TRAPPC9: variants seen among roughly 807,000 people sequenced by gnomAD.
TRAPPC9 encodes IKK2 binding protein.
A neutral mutation model predicts 124.0 loss-of-function variants in TRAPPC9; 83 were observed. The observed-to-expected ratio is 0.67, with a 90% CI of 0.56 to 0.80. TRAPPC9 has a LOEUF of 0.80. TRAPPC9 is among the 30% of genes least tolerant of loss of function. The pLI is 0.00. For missense variants in TRAPPC9, 1,302 were observed against 1,508.3 expected (o/e 0.86, Z 2.27); for synonymous variants, 638 against 617.5 (o/e 1.03, Z -0.49).
intron 11 of TRAPPC9, among the ~76,000 whole-genome samples, chr8:140,296,025 C>A (rs768564871): frequency 2.0e-5 from 3 of 152,118 alleles, no homozygotes; most frequent in Non-Finnish European, 4.4e-5. Context: ...AGAAAAAAGG[C>A]CCTGGGCATC....
At chr8:140,399,634 C>G (rs1163175877) in intron 6 of TRAPPC9, among the ~76,000 whole-genome samples, 9 of 152,170 alleles carry the variant, frequency 5.9e-5, no homozygotes, top group Non-Finnish European at 1.2e-4. Flanking sequence ...GTGTATACCC[C>G]CATTGTATCT....
At chr8:140,359,046 C>A (rs1320550588) in intron 9 of TRAPPC9, among the ~76,000 whole-genome samples, 1 of 152,190 alleles carries the variant, frequency 6.6e-6, no homozygotes, top group African/African-American at 2.4e-5. Context: ...CTGCATTCAA[C>A]TGCTGGTCAG....
intron 18 of TRAPPC9, among the ~76,000 whole-genome samples, chr8:140,003,979 T>C (rs372964437): frequency 3.3e-5 from 5 of 152,258 alleles, no homozygotes; most frequent in Non-Finnish European, 5.9e-5. Flanking sequence ...ATCCACAGGC[T>C]GTGACATACC....
chr8:140,062,690 T>G (rs1428932272), intron 17 of TRAPPC9, among the ~76,000 whole-genome samples: 1 of 152,198 alleles, frequency 6.6e-6, no homozygotes, highest in East Asian at 1.9e-4. Flanking sequence ...TACTAGAAGA[T>G]GAGCTCCTAT....
At chr8:139,954,795 C>T (rs1250254292) in intron 19 of TRAPPC9, among the ~76,000 whole-genome samples, 1 of 152,132 alleles carries the variant, frequency 6.6e-6, no homozygotes, top group African/African-American at 2.4e-5. Context: ...GAAGATTTGC[C>T]CTGGTTTGAA....
chr8:140,005,906 T>C (rs1226054842), intron 18 of TRAPPC9, among the ~76,000 whole-genome samples: 1 of 141,990 alleles, frequency 7.0e-6, no homozygotes, highest in East Asian at 2.0e-4. Flanking sequence ...TAAGACCCTG[T>C]CTAAAAAAAA....
chr8:140,296,850 T>C (rs2065817689), intron 11 of TRAPPC9, among the ~76,000 whole-genome samples: 1 of 152,188 alleles, frequency 6.6e-6, no homozygotes, highest in Non-Finnish European at 1.5e-5. Flanking sequence ...AAAAGTTCCG[T>C]AGGGGAGACA....
At position 140,021,569 on chromosome 8, in the gene TRAPPC9, C is replaced by T. The variant is rs552728835; in HGVS notation, c.2699+2368G>A. On this transcript the variant is annotated intron_variant, in intron 18 of 22. Transcript: ENST00000438773. ...GTTCATCACTCCTTTATATAGCTTC[C>T]GGTTTCCATTTGCTTTTATTTCTGA... Among the ~76,000 whole-genome samples the T allele has an allele frequency of 2.6e-3, 401 of 152,136 alleles. 1 individual carries two copies. Among genetic ancestry groups the T allele is most frequent in the Non-Finnish European group, 4.4e-3 (301 of 68,010 alleles).
chr8:140,200,193 T>G (rs1223547315), intron 17 of TRAPPC9, among the ~76,000 whole-genome samples: 1 of 152,178 alleles, frequency 6.6e-6, no homozygotes, highest in Admixed American at 6.5e-5. Flanking sequence ...CACTCATGTT[T>G]AACCAGATGG....
At chr8:140,282,494 C>T (rs2065352763) in intron 14 of TRAPPC9, among the ~76,000 whole-genome samples, 1 of 140,854 alleles carries the variant, frequency 7.1e-6, no homozygotes, top group East Asian at 2.0e-4. Flanking sequence ...CAGAGCCAGA[C>T]TCCACCTCAA....
chr8:140,455,839 A>G (rs1173141761), intron 1 of TRAPPC9, among the ~76,000 whole-genome samples: 1 of 152,234 alleles, frequency 6.6e-6, no homozygotes, highest in Non-Finnish European at 1.5e-5. Flanking sequence ...TCAGCCACAG[A>G]AAGGAACAAA....
Position 140,010,548 on chromosome 8 carries a change from G to C in TRAPPC9, c.2699+13389C>G, listed in dbSNP as rs540197887. Among the ~76,000 whole-genome samples the C allele has an allele frequency of 1.0e-3, 153 of 152,176 alleles. 1 individual carries two copies. The highest frequency in any genetic ancestry group is 3.5e-3 in the African/African-American group (144 of 41,540). On this transcript the variant is annotated intron_variant, in intron 18 of 22. Coordinates refer to ENST00000438773, the MANE Select transcript of TRAPPC9 (RefSeq NM_001160372.4). The stretch of plus-strand genomic sequence containing the variant: ...GAAGAGGCCAAGATTACATATAAGA[G>C]AATACACAGAAGAAATGCAAATGTT...
chr8:140,427,078 A>AC (rs2070450974), intron 4 of TRAPPC9, among the ~76,000 whole-genome samples: 1 of 144,776 alleles, frequency 6.9e-6, no homozygotes, highest in Admixed American at 7.2e-5. Flanking sequence ...GGCGTGCGCC[A>AC]CCACGACCGG....
chr8:140,193,354 C>T (rs375105171), intron 17 of TRAPPC9, among the ~76,000 whole-genome samples: 40 of 152,204 alleles, frequency 2.6e-4, no homozygotes, highest in African/African-American at 7.9e-4. Flanking sequence ...ATCATGAACA[C>T]GAATTTCACC....
intron 17 of TRAPPC9, among the ~76,000 whole-genome samples, chr8:140,029,079 G>A (rs913096507): frequency 3.9e-5 from 6 of 152,178 alleles, no homozygotes; most frequent in Non-Finnish European, 8.8e-5. Context: ...GACAATCAGG[G>A]AAGAGTATCA....
chr8:139,804,748 A>T (rs1354534637), intron 21 of TRAPPC9, among the ~76,000 whole-genome samples: 1 of 129,960 alleles, frequency 7.7e-6, no homozygotes, highest in Non-Finnish European at 1.7e-5. Flanking sequence ...ACCACCACCA[A>T]GCACCGCCAC....
chr8:140,083,277 G>A (rs1041634509), intron 17 of TRAPPC9, among the ~76,000 whole-genome samples: 10 of 152,246 alleles, frequency 6.6e-5, no homozygotes, highest in South Asian at 4.1e-4. Flanking sequence ...ACCTTTCCAC[G>A]GAGATATCAA....
intron 4 of TRAPPC9, among the ~76,000 whole-genome samples, chr8:140,431,960 T>C (rs1207322475): frequency 1.3e-5 from 2 of 152,196 alleles, no homozygotes; most frequent in African/African-American, 4.8e-5. Flanking sequence ...ACTGTCCACA[T>C]TGCACATCTG....
At chr8:140,211,789 G>A (rs1395949180) in intron 17 of TRAPPC9, among the ~76,000 whole-genome samples, 1 of 152,162 alleles carries the variant, frequency 6.6e-6, no homozygotes, top group Non-Finnish European at 1.5e-5. Flanking sequence ...GGGCTGTCTG[G>A]CCTCACTGTC....
Sources: allele counts gnomAD v4.1 joint callset (sites outside exome capture counted in the v4.1 genomes callset), GRCh38; gene constraint gnomAD v4.1.1; transcripts MANE v1.5; gene names NCBI Gene and HGNC (gene_info 2026-07-23, HGNC 2026-07-21).